Variants in ASIC2 observed in about 807,000 individuals in gnomAD.
The protein encoded by ASIC2 is acid sensing ion channel subunit 2, also known as acid-sensing ion channel 2.
In ASIC2, 25 loss-of-function variants were observed where a neutral mutation model predicts 57.3. The observed-to-expected ratio is 0.44, with a 90% CI of 0.32 to 0.61. ASIC2 has a LOEUF of 0.61. Ranked by LOEUF, ASIC2 falls within the 20% of genes least tolerant of loss-of-function variation. The probability of loss-of-function intolerance (pLI) is 0.06; values close to 1 mark genes in which losing one functional copy is unlikely to be tolerated. For synonymous variants in ASIC2, 319 were observed against 307.5 expected (o/e 1.04, Z -0.39); for missense variants, 641 against 738.1 (o/e 0.87, Z 1.52).
Position 34,084,601 on chromosome 17 carries a change from G to A in ASIC2, c.555+71377C>T, listed in dbSNP as rs991040478. Among the ~76,000 whole-genome samples the A allele has an allele frequency of 4.6e-5, 7 of 152,276 alleles. No homozygotes were observed. The East Asian group carries it at 7.7e-4, about 17-fold the overall frequency. On this transcript the variant is annotated intron_variant, in intron 1 of 9. Coordinates refer to the ASIC2 transcript ENST00000359872. Reference sequence around the variant, plus strand: ...AAGAAAGTCATTGGTTGCTTGATGAGGATGGCATTGAATCTATAAATTACC... The same window carrying A: ...AAGAAAGTCATTGGTTGCTTGATGAAGATGGCATTGAATCTATAAATTACC...
At chr17:33,957,192 C>T (rs761867832) in intron 1 of ASIC2, among the ~76,000 whole-genome samples, 1 of 152,148 alleles carries the variant, frequency 6.6e-6, no homozygotes, top group Non-Finnish European at 1.5e-5. Context: ...GCTCTGAATT[C>T]GACTCTGACC....
chr17:33,607,075 G>A (rs770858678), intron 1 of ASIC2, among the ~76,000 whole-genome samples: 10 of 152,152 alleles, frequency 6.6e-5, no homozygotes, highest in African/African-American at 1.4e-4. Flanking sequence ...TTGACCCAGT[G>A]GCTGAGCATC....
In ASIC2 at chr17:33,062,304, T is replaced by A. The variant is rs548372663; in HGVS notation, c.987+26559A>T. Reference sequence around the variant, plus strand: ...GCTTTCTCTTGTGGGCATTTAGTGCTATAAATTTCCCTCTACACACTGCTT... The same window carrying A: ...GCTTTCTCTTGTGGGCATTTAGTGCAATAAATTTCCCTCTACACACTGCTT... On this transcript the variant is annotated intron_variant, in intron 3 of 9. Coordinates refer to ENST00000225823, the MANE Select transcript of ASIC2 (RefSeq NM_183377.2). Among the ~76,000 whole-genome samples, 25 of 152,340 alleles carry A rather than the reference T, an allele frequency of 1.6e-4. No individual in the cohort carries two copies. The East Asian group carries it at 3.9e-3, about 24-fold the overall frequency.
intron 1 of ASIC2, among the ~76,000 whole-genome samples, chr17:33,809,132 A>G (rs76639412): frequency 0.065 from 9,815 of 152,146 alleles, 436 homozygotes; most frequent in East Asian, 0.22. Context: ...AGCCTCTCAG[A>G]GTGACCTCTG....
At chr17:33,950,046 G>A (rs897198971) in intron 1 of ASIC2, among the ~76,000 whole-genome samples, 5 of 152,196 alleles carry the variant, frequency 3.3e-5, no homozygotes, top group African/African-American at 4.8e-5. Context: ...CAAGACCTGG[G>A]TCTTGGAGAA....
In ASIC2 at chr17:33,458,257, T is replaced by A. The variant is rs180835880; in HGVS notation, c.556-346190A>T. 7.4e-4 allele frequency among the ~76,000 whole-genome samples: 112 copies of A among 152,248 alleles called. No individual in the cohort carries two copies. In the South Asian group the frequency reaches 0.013, roughly 18 times the overall value. On this transcript the variant is annotated intron_variant, in intron 1 of 9. Transcript: ENST00000359872. ...GGAGGAGAGAGGTCTTGCCAAGAGC[T>A]TTAGAGTCAAGAGAGGTCAGAGTAG...
intron 1 of ASIC2, among the ~76,000 whole-genome samples, chr17:33,503,724 A>T (rs1349215327): frequency 2.0e-5 from 3 of 152,208 alleles, no homozygotes; most frequent in Non-Finnish European, 4.4e-5. Flanking sequence ...GACTGACTGC[A>T]GTTCTGATCC....
At chr17:33,374,069 C>A (rs752040135) in intron 1 of ASIC2, among the ~76,000 whole-genome samples, 1 of 152,120 alleles carries the variant, frequency 6.6e-6, no homozygotes, top group Non-Finnish European at 1.5e-5. Flanking sequence ...GATCTTGGCT[C>A]GCTGCAACCA....
chr17:33,799,408 T>TTTC (rs1567718951), intron 1 of ASIC2, among the ~76,000 whole-genome samples: 83 of 63,098 alleles, frequency 1.3e-3, no homozygotes, highest in African/African-American at 2.6e-3. Flanking sequence ...CTTTCTTTTC[T>TTTC]TTCTTTCTTT....
intron 1 of ASIC2, among the ~76,000 whole-genome samples, chr17:33,579,638 A>G (rs527997854): frequency 7.2e-4 from 109 of 151,876 alleles, no homozygotes; most frequent in African/African-American, 2.5e-3. Flanking sequence ...CTGCGTCTGA[A>G]GTTTCTTCCT....
At chr17:33,974,605 TATCCATCCATCC>T (rs55947544) in intron 1 of ASIC2, among the ~76,000 whole-genome samples, 162 of 145,438 alleles carry the variant, frequency 1.1e-3, no homozygotes, top group East Asian at 6.1e-4. Context: ...GGAACCTATC[TATCCATCCATCC>T]ATCCATCCAT....
chr17:33,559,699 C>A (rs1289011769), intron 1 of ASIC2, among the ~76,000 whole-genome samples: 1 of 152,140 alleles, frequency 6.6e-6, no homozygotes, highest in Non-Finnish European at 1.5e-5. Flanking sequence ...CTGATCATAT[C>A]CAGTGCCCTC....
intron 1 of ASIC2, among the ~76,000 whole-genome samples, chr17:34,010,724 T>C (rs558243202): frequency 6.7e-6 from 1 of 148,626 alleles, no homozygotes; most frequent in Non-Finnish European, 1.5e-5. Context: ...CACACAGACA[T>C]GTACAGAGAA....
intron 1 of ASIC2, among the ~76,000 whole-genome samples, chr17:33,583,710 G>A (rs1181441955): frequency 3.3e-5 from 5 of 152,208 alleles, no homozygotes; most frequent in Admixed American, 6.5e-5. Flanking sequence ...AACATGCCCA[G>A]ATTATTTCAT....
chr17:34,087,869 G>A (rs986042774), intron 1 of ASIC2, among the ~76,000 whole-genome samples: 44 of 152,030 alleles, frequency 2.9e-4, no homozygotes, highest in African/African-American at 1.0e-3. Flanking sequence ...CATAGTTCTC[G>A]AGCCTTGGCT....
intron 1 of ASIC2, among the ~76,000 whole-genome samples, chr17:33,661,590 A>G (rs1415659932): frequency 6.6e-6 from 1 of 152,140 alleles, no homozygotes; most frequent in African/African-American, 2.4e-5. Context: ...CAGAACCTCA[A>G]GTTTAGGCAG....
intron 1 of ASIC2, among the ~76,000 whole-genome samples, chr17:34,149,168 G>A (rs986001190): frequency 9.3e-5 from 14 of 149,908 alleles, no homozygotes; most frequent in Non-Finnish European, 2.1e-4. Flanking sequence ...GTGCAGTGGT[G>A]TGATCATGGC....
chr17:33,331,062 C>T (rs1907294063), intron 1 of ASIC2, among the ~76,000 whole-genome samples: 1 of 152,120 alleles, frequency 6.6e-6, no homozygotes, highest in African/African-American at 2.4e-5. Context: ...TACCATCTAG[C>T]TCCACCTCCT....
At chr17:33,539,053 C>T (rs1277011935) in intron 1 of ASIC2, among the ~76,000 whole-genome samples, 3 of 152,176 alleles carry the variant, frequency 2.0e-5, no homozygotes, top group Admixed American at 6.5e-5. Context: ...AGACAGGGAA[C>T]ACAATCGCCT....
Sources: gnomAD v4.1 joint callset for allele counts (sites outside exome capture counted in the v4.1 genomes callset) on GRCh38, gnomAD v4.1.1 for gene constraint, MANE v1.5 for transcripts, NCBI Gene and HGNC (gene_info 2026-07-23, HGNC 2026-07-21) for gene names.